CSNK2A1: variants seen among roughly 807,000 people sequenced by gnomAD.
CSNK2A1 encodes the protein casein kinase 2 alpha 1, also known as casein kinase II subunit alpha.
In CSNK2A1, 10 loss-of-function variants were observed where a neutral mutation model predicts 62.9. That is an observed-to-expected ratio of 0.16 (90% CI 0.10 to 0.27). The LOEUF is 0.27. Ranked by LOEUF, CSNK2A1 falls within the 10% of genes least tolerant of loss-of-function variation. The probability of loss-of-function intolerance (pLI) is 1.00; values close to 1 mark genes in which losing one functional copy is unlikely to be tolerated. For synonymous variants in CSNK2A1, 124 were observed against 167.8 expected (o/e 0.74, Z 2.02); for missense variants, 160 against 492.0 (o/e 0.33, Z 6.38).
chr20:511,333 C>G (rs1206192910), intron 2 of CSNK2A1, among the ~76,000 whole-genome samples: 2 of 151,932 alleles, frequency 1.3e-5, no homozygotes, highest in Non-Finnish European at 2.9e-5. Context: ...GGAGAGAGAC[C>G]TCATCTAAAA....
At chr20:497,555 G>A (rs1297630142) in intron 7 of CSNK2A1, among the ~76,000 whole-genome samples, 166 bp downstream of exon 7, 1 of 152,162 alleles carries the variant, frequency 6.6e-6, no homozygotes, top group Non-Finnish European at 1.5e-5. Flanking sequence ...CTTCCAAAGT[G>A]CTGGGATTAC....
chr20:474,604 T>G lies in CSNK2A1; in HGVS notation c.*9357A>C, dbSNP rs2017811209. 6.6e-6 allele frequency: 1 copy of G among 152,236 alleles called. No individual in the cohort carries two copies. The highest frequency in any genetic ancestry group is 1.5e-5 in the Non-Finnish European group (1 of 68,038). The allele number at this position is 152,236 out of a possible 1,614,324, so 9.4% of individuals were successfully genotyped here. A position where few individuals can be genotyped will look rare whatever the true frequency, so the allele number is the denominator to read the frequency against. On this transcript the variant is annotated 3_prime_UTR_variant, in exon 14 of 14. Transcript: ENST00000217244. ...AATACTGCTACTATCTTAACAATAATTTAAAAAATCTCAAAATAACATGCA... is the reference window on the plus strand; with the variant it reads ...AATACTGCTACTATCTTAACAATAAGTTAAAAAATCTCAAAATAACATGCA...
At chr20:502,009 T>C (rs2018482274) in intron 4 of CSNK2A1, 1 of 152,204 alleles carries the variant, frequency 6.6e-6, no homozygotes, top group African/African-American at 2.4e-5. Flanking sequence ...AAGCAGATTT[T>C]GGAAACATTG....
intron 2 of CSNK2A1, among the ~76,000 whole-genome samples, chr20:521,896 T>C (rs1465785239): frequency 6.6e-6 from 1 of 152,086 alleles, no homozygotes; most frequent in Non-Finnish European, 1.5e-5. Flanking sequence ...ACCAACATGG[T>C]GAATCTTAAA....
chr20:525,419 G>A (rs934750353), intron 2 of CSNK2A1, among the ~76,000 whole-genome samples: 7 of 152,070 alleles, frequency 4.6e-5, no homozygotes, highest in African/African-American at 7.2e-5. Context: ...GTGGGAGGCT[G>A]AGGCGGGCGG....
chr20:486,772 T>C (rs2018108669), intron 12 of CSNK2A1: 1 of 303,354 alleles, frequency 3.3e-6, no homozygotes, highest in Non-Finnish European at 6.3e-6. Flanking sequence ...GACAAGACAC[T>C]GTAACTCGGC....
chr20:518,556 T>C (rs953885786), intron 2 of CSNK2A1, among the ~76,000 whole-genome samples: 2 of 152,024 alleles, frequency 1.3e-5, no homozygotes, highest in African/African-American at 4.8e-5. Context: ...TATTATTTTT[T>C]ATTTTTTTGA....
intron 2 of CSNK2A1, among the ~76,000 whole-genome samples, chr20:517,845 A>G (rs2018860037): frequency 6.6e-6 from 1 of 152,188 alleles, no homozygotes; most frequent in Non-Finnish European, 1.5e-5. Context: ...TTTTTTGCAC[A>G]TCAGGTCAGC....
At chr20:516,501 A>C (rs2018831574) in intron 2 of CSNK2A1, among the ~76,000 whole-genome samples, 1 of 152,246 alleles carries the variant, frequency 6.6e-6, no homozygotes. Context: ...TTAAACCATA[A>C]GGAAAAATTG....
chr20:543,432 G>A (rs2019496456), intron 1 of CSNK2A1, among the ~76,000 whole-genome samples: 3 of 149,794 alleles, frequency 2.0e-5, no homozygotes, highest in South Asian at 2.1e-4. Context: ...TCCGGCAGCC[G>A]GTTCCCACCC....
chr20:500,168 A>G (rs180722655), intron 4 of CSNK2A1: 1 of 473,950 alleles, frequency 2.1e-6, no homozygotes, highest in East Asian at 3.6e-5. Flanking sequence ...AAGACCAGAC[A>G]CTTCTGCAGA....
At chr20:538,170 G>C (rs187561367) in intron 1 of CSNK2A1, among the ~76,000 whole-genome samples, 1 of 152,206 alleles carries the variant, frequency 6.6e-6, no homozygotes, top group East Asian at 1.9e-4. Flanking sequence ...GGCTGGTCTT[G>C]TCCTGACCTC....
intron 1 of CSNK2A1, among the ~76,000 whole-genome samples, chr20:542,492 G>C (rs1258793314): frequency 1.3e-5 from 2 of 152,196 alleles, no homozygotes; most frequent in African/African-American, 2.4e-5. Context: ...GGAGTGCAGT[G>C]GCGGATCTCA....
At chr20:542,748 T>C (rs1442851034) in intron 1 of CSNK2A1, among the ~76,000 whole-genome samples, 1 of 152,194 alleles carries the variant, frequency 6.6e-6, no homozygotes, top group African/African-American at 2.4e-5. Context: ...TAGTTTTCAT[T>C]TCCTCTCCCC....
intron 2 of CSNK2A1, among the ~76,000 whole-genome samples, chr20:514,705 G>C (rs558364542): frequency 1.3e-5 from 2 of 152,304 alleles, no homozygotes; most frequent in African/African-American, 4.8e-5. Flanking sequence ...GCCTCCCGAA[G>C]TGCTGAGATT....
chr20:523,948 A>G (rs979464441), intron 2 of CSNK2A1, among the ~76,000 whole-genome samples: 8 of 151,772 alleles, frequency 5.3e-5, no homozygotes, highest in Non-Finnish European at 8.8e-5. Flanking sequence ...TATGTTACCA[A>G]GGGTAACATG....
intron 3 of CSNK2A1, among the ~76,000 whole-genome samples, chr20:505,471 T>C (rs548206338): frequency 6.8e-6 from 1 of 146,714 alleles, no homozygotes; most frequent in Non-Finnish European, 1.5e-5. Flanking sequence ...ACCATTCTCC[T>C]GCCTCAGCCT....
At chr20:505,551 G>C (rs1383876502) in intron 3 of CSNK2A1, among the ~76,000 whole-genome samples, 1 of 151,456 alleles carries the variant, frequency 6.6e-6, no homozygotes, top group Non-Finnish European at 1.5e-5. Flanking sequence ...AGTAGAGACG[G>C]CGGGTCCTCA....
intron 2 of CSNK2A1, among the ~76,000 whole-genome samples, chr20:517,146 T>C (rs531356340): frequency 6.2e-4 from 95 of 152,340 alleles, no homozygotes; most frequent in African/African-American, 2.3e-3. Context: ...TATGTATACT[T>C]TTCTACCTTG....
Sources: allele counts gnomAD v4.1 joint callset (sites outside exome capture counted in the v4.1 genomes callset), GRCh38; gene constraint gnomAD v4.1.1; transcripts MANE v1.5; gene names NCBI Gene and HGNC (gene_info 2026-07-23, HGNC 2026-07-21).